The following NFXL1 variants were observed in gnomAD, a reference collection of about 807,000 sequenced individuals.
NFXL1 encodes NF-X1-type zinc finger protein NFXL1.
A neutral mutation model predicts 123.3 loss-of-function variants in NFXL1; 66 were observed. The observed-to-expected ratio is 0.54, with a 90% CI of 0.44 to 0.66. The LOEUF (loss-of-function observed/expected upper bound fraction) is 0.66, where lower values mean the gene tolerates loss of function less well. Ranked by LOEUF, NFXL1 falls within the 30% of genes least tolerant of loss-of-function variation. NFXL1 has a pLI of 0.00. For missense variants in NFXL1, 944 were observed against 1,125.6 expected, an observed-to-expected ratio of 0.84 and a Z score of 2.31; for synonymous variants, 346 against 360.8, an observed-to-expected ratio of 0.96 and a Z score of 0.46.
chr4:47,897,900 T>C, intron 9 of NFXL1, 67 bp downstream of exon 9: 1 of 1,012,248 alleles, frequency 9.9e-7, no homozygotes, highest in Non-Finnish European at 1.4e-6. Flanking sequence ...GGAGGACGTC[T>C]TTTGAATGTC....
At chr4:47,912,545 G>A (rs1161743517) in intron 2 of NFXL1, among the ~76,000 whole-genome samples, 1 of 146,528 alleles carries the variant, frequency 6.8e-6, no homozygotes, top group Non-Finnish European at 1.5e-5. Flanking sequence ...TGCAAGCTCC[G>A]CCTCCCGGGC....
At position 47,872,528 on chromosome 4, in the gene NFXL1, G is replaced by C. The variant is rs142904281; in HGVS notation, c.2246+2599C>G. Among the ~76,000 whole-genome samples, 742 of 151,594 alleles carry C rather than the reference G, an allele frequency of 4.9e-3. 2 individuals are homozygous for C. The highest frequency in any genetic ancestry group is 0.011 in the Admixed American group (169 of 15,246). ...ACTACTGGCATAGCTCAGAGATATT[G>C]CAGGTTCAGTTCCAGACCACCTTAA... is the stretch of plus-strand genomic sequence containing the variant. On this transcript the variant is annotated intron_variant, in intron 18 of 22. Transcript: ENST00000507489.
In NFXL1 at chr4:47,894,207, G is replaced by A; in HGVS notation, c.1425C>T (p.Asp475=). 1 of 1,605,110 alleles carries A rather than the reference G, an allele frequency of 6.2e-7. No homozygotes were observed. The highest frequency in any genetic ancestry group is 1.7e-5 in the Admixed American group (1 of 58,728). The stretch of plus-strand genomic sequence containing the variant: ...TTCTTCTACATTGATGCTTCTGACA[G>A]TCACGCATCTTAACACACTTAGTTT... ...LCETKCVKMR[D]CQKHQCRRKC... The change falls in exon 11 of 23, where the codon GAC becomes GAT. Residue 475 remains aspartate, a synonymous_variant. Coordinates refer to ENST00000507489, the MANE Select transcript of NFXL1 (RefSeq NM_001278624.2).
intron 3 of NFXL1, among the ~76,000 whole-genome samples, chr4:47,909,681 C>T (rs1351142004): frequency 4.0e-5 from 6 of 148,600 alleles, no homozygotes; most frequent in South Asian, 4.2e-4. Context: ...TTAATTGAGA[C>T]GGAGTCTTGC....
chr4:47,853,226 C>A (rs1734224368), intron 20 of NFXL1, among the ~76,000 whole-genome samples: 1 of 152,022 alleles, frequency 6.6e-6, no homozygotes, highest in South Asian at 2.1e-4. Context: ...AAGAAATAAA[C>A]AGTATAATCA....
intron 17 of NFXL1, among the ~76,000 whole-genome samples, chr4:47,876,656 T>A (rs1735772950): frequency 6.6e-6 from 1 of 152,134 alleles, no homozygotes; most frequent in African/African-American, 2.4e-5. Context: ...AGAAAGATGA[T>A]ACTTGATTTA....
Position 47,890,719 on chromosome 4 carries a change from T to C in NFXL1, c.1453-16A>G. ...CAGGGCAACACTGAAGAGAAAGCAATATATAAAGAACAGGTAATTCAAAAA... is the reference window on the plus strand; with the variant it reads ...CAGGGCAACACTGAAGAGAAAGCAACATATAAAGAACAGGTAATTCAAAAA... On this transcript the variant is annotated splice_polypyrimidine_tract_variant and intron_variant, in intron 11 of 22. Coordinates refer to ENST00000507489, the MANE Select transcript of NFXL1 (RefSeq NM_001278624.2). 6.7e-7 allele frequency: 1 copy of C among 1,484,164 alleles called. No individual in the cohort carries two copies. Among genetic ancestry groups the C allele is most frequent in the South Asian group, 1.1e-5 (1 of 88,132 alleles). 91.9% of individuals were successfully genotyped at this position (1,484,164 alleles called of 1,614,324 possible). A position where few individuals can be genotyped will look rare whatever the true frequency, so the allele number is the denominator to read the frequency against.
chr4:47,852,744 C>A (rs12504018), intron 20 of NFXL1, among the ~76,000 whole-genome samples: 3 of 151,760 alleles, frequency 2.0e-5, no homozygotes, highest in African/African-American at 7.3e-5. Context: ...TTTTAGACTG[C>A]CTTTTGTAGT....
At chr4:47,904,209 T>C (rs1737463967) in intron 4 of NFXL1, among the ~76,000 whole-genome samples, 1 of 152,086 alleles carries the variant, frequency 6.6e-6, no homozygotes, top group East Asian at 1.9e-4. Context: ...CAGGGGACCC[T>C]CTGTAAAACC....
intron 15 of NFXL1, among the ~76,000 whole-genome samples, chr4:47,879,906 T>TAAC (rs1229104742): frequency 6.6e-6 from 1 of 152,066 alleles, no homozygotes; most frequent in African/African-American, 2.4e-5. Context: ...CCCTAAGCCT[T>TAAC]TCACAACAGT....
chr4:47,863,179 T>C (rs190282243), intron 18 of NFXL1, among the ~76,000 whole-genome samples: 101 of 152,220 alleles, frequency 6.6e-4, no homozygotes, highest in African/African-American at 2.4e-3. Context: ...CAAAATATCA[T>C]CTGGGCCTGG....
chr4:47,889,058 A>G (rs1004724709), intron 12 of NFXL1, among the ~76,000 whole-genome samples: 1 of 152,200 alleles, frequency 6.6e-6, no homozygotes, highest in African/African-American at 2.4e-5. Context: ...ATTTGCTCTA[A>G]ACTTTTTGCA....
intron 18 of NFXL1, among the ~76,000 whole-genome samples, chr4:47,871,958 G>A (rs941863514): frequency 6.6e-6 from 1 of 152,122 alleles, no homozygotes. Context: ...GGACTGGAGT[G>A]AAACAGCCAG....
At chr4:47,884,898 G>T (rs7654965) in intron 14 of NFXL1, among the ~76,000 whole-genome samples, 1 of 151,768 alleles carries the variant, frequency 6.6e-6, no homozygotes, top group East Asian at 1.9e-4. Context: ...AGGCGGAGGC[G>T]GGCAGATCAC....
At chr4:47,870,258 ACAATT>A (rs1172846820) in intron 18 of NFXL1, among the ~76,000 whole-genome samples, 1 of 152,248 alleles carries the variant, frequency 6.6e-6, no homozygotes, top group East Asian at 1.9e-4. Context: ...ATAGACTAAT[ACAATT>A]AATGAACATT....
At chr4:47,864,272 G>C (rs1734928565) in intron 18 of NFXL1, among the ~76,000 whole-genome samples, 1 of 152,008 alleles carries the variant, frequency 6.6e-6, no homozygotes, top group Non-Finnish European at 1.5e-5. Flanking sequence ...ACATGAAGCA[G>C]AAAAAGACTA....
chr4:47,879,998 T>G (rs146086820), intron 15 of NFXL1, among the ~76,000 whole-genome samples: 23 of 152,278 alleles, frequency 1.5e-4, no homozygotes, highest in African/African-American at 5.5e-4. Context: ...GGTTTAATTA[T>G]GACTTTTAGA....
chr4:47,852,222 T>C, intron 20 of NFXL1: 1 of 317,022 alleles, frequency 3.2e-6, no homozygotes, highest in South Asian at 4.4e-5. Flanking sequence ...TTGTTTTTAT[T>C]CTTTACTTTT....
In NFXL1 at chr4:47,875,474, C is replaced by CA. The variant is rs1735688316; in HGVS notation, c.2080-182dup. 3 of 441,294 alleles carry CA rather than the reference C, an allele frequency of 6.8e-6. No individual in the cohort carries two copies. In the East Asian group the frequency reaches 1.0e-4, roughly 15 times the overall value. The allele number at this position is 441,294 out of a possible 1,614,324, so 27.3% of individuals were successfully genotyped here. A position where few individuals can be genotyped will look rare whatever the true frequency, so the allele number is the denominator to read the frequency against. On this transcript the variant is annotated intron_variant, in intron 17 of 22. Transcript: ENST00000507489. Reference sequence around the variant, plus strand: ...TAAAAATATTCAAACTAAAGAACAGCAAGATTGTCAATATGACTATTATTC... The same window carrying CA: ...TAAAAATATTCAAACTAAAGAACAGCAAAGATTGTCAATATGACTATTATTC...
Sources: allele counts gnomAD v4.1 joint callset (sites outside exome capture counted in the v4.1 genomes callset), GRCh38; gene constraint gnomAD v4.1.1; transcripts MANE v1.5; gene names NCBI Gene and HGNC (gene_info 2026-07-23, HGNC 2026-07-21).